Variants in JPH2 observed in about 807,000 individuals in gnomAD.
The protein encoded by JPH2 is junctophilin 2.
In JPH2, 38 loss-of-function variants were observed where a neutral mutation model predicts 55.9. The observed-to-expected ratio is 0.68, with a 90% CI of 0.52 to 0.89. JPH2 has a LOEUF of 0.89. Among genes scored for constraint, JPH2 ranks in the 40% least tolerant of loss-of-function variants. The pLI, the probability that JPH2 is intolerant of heterozygous loss-of-function variation, is 0.00. For missense variants in JPH2, 964 were observed against 1,037.6 expected (o/e 0.93, Z 0.97); for synonymous variants, 480 against 472.4 (o/e 1.02, Z -0.21).
chr20:44,126,797 C>G (rs191613340), intron 2 of JPH2, among the ~76,000 whole-genome samples: 5 of 152,312 alleles, frequency 3.3e-5, no homozygotes, highest in Non-Finnish European at 7.3e-5. Flanking sequence ...AGGCAGTGCC[C>G]TCCTGGGAAG....
chr20:44,157,416 T>A (rs1208157724), intron 2 of JPH2, among the ~76,000 whole-genome samples: 1 of 152,188 alleles, frequency 6.6e-6, no homozygotes, highest in Non-Finnish European at 1.5e-5. Context: ...GAGGCTTTGT[T>A]GAGACTGTAT....
In JPH2 at chr20:44,112,744, C is replaced by T. The variant is rs759771045; in HGVS notation, c.*774G>A. The T allele has an allele frequency of 6.6e-6, 1 of 152,204 alleles. No homozygotes were observed. Among genetic ancestry groups the T allele is most frequent in the Non-Finnish European group, 1.5e-5 (1 of 68,162 alleles). The allele number at this position is 152,204 out of a possible 1,614,324, so 9.4% of individuals were successfully genotyped here. A position where few individuals can be genotyped will look rare whatever the true frequency, so the allele number is the denominator to read the frequency against. On this transcript the variant is annotated 3_prime_UTR_variant, in exon 6 of 6. Coordinates refer to ENST00000372980, the MANE Select transcript of JPH2 (RefSeq NM_020433.5). Reference sequence around the variant, plus strand: ...ATGCAATCCCAGTCTCAGACACACTCCAAAACAGGCCATCATCACTGCACC... The same window carrying T: ...ATGCAATCCCAGTCTCAGACACACTTCAAAACAGGCCATCATCACTGCACC...
intron 2 of JPH2, among the ~76,000 whole-genome samples, chr20:44,148,937 A>G (rs367705266): frequency 5.0e-4 from 76 of 151,916 alleles, no homozygotes; most frequent in South Asian, 4.4e-3. Context: ...TGTGGTGGTG[A>G]GCGCCCATAG....
At position 44,129,916 on chromosome 20, in the gene JPH2, C is replaced by T. The variant is rs1453119493; in HGVS notation, c.1170-11293G>A. Among the ~76,000 whole-genome samples the T allele has an allele frequency of 2.0e-5, 3 of 152,000 alleles. No individual in the cohort carries two copies. The East Asian group carries it at 5.8e-4, about 29-fold the overall frequency. ...GCCATAAGCTCAGGAATGCAGAGGG[C>T]CAGCAGGGGTTGAAAAGACAAGCAC... On this transcript the variant is annotated intron_variant, in intron 2 of 5. Transcript: ENST00000372980.
chr20:44,129,754 T>C (rs1269429043), intron 2 of JPH2, among the ~76,000 whole-genome samples: 11 of 152,068 alleles, frequency 7.2e-5, no homozygotes. Context: ...AGATAGATCA[T>C]CCTGGATTAG....
In JPH2 at chr20:44,114,896, G is replaced by A; in HGVS notation, c.2011-20C>T. 6.3e-7 allele frequency: 1 copy of A among 1,580,716 alleles called. No homozygotes were observed. Among genetic ancestry groups the A allele is most frequent in the Non-Finnish European group, 8.6e-7 (1 of 1,161,216 alleles). ...GGGGACCTGGGAGCAGTGGAGAGAG[G>A]CTTCCTGAGTCCCCATGGCCTCGGA... is the stretch of plus-strand genomic sequence containing the variant. On this transcript the variant is annotated intron_variant, in intron 4 of 5. Transcript: ENST00000372980.
At position 44,110,703 on chromosome 20, in the gene JPH2, A is replaced by G. The variant is rs1380934718; in HGVS notation, c.*2815T>C. On this transcript the variant is annotated 3_prime_UTR_variant, in exon 6 of 6. Coordinates refer to ENST00000372980, the MANE Select transcript of JPH2 (RefSeq NM_020433.5). ...GCCTCAGCCTCCTCTAACGTGCTGG[A>G]ATTATAGGTGTGAGCCACCATGCCC... 1.3e-5 allele frequency among the ~76,000 whole-genome samples: 2 copies of G among 152,102 alleles called. No homozygotes were observed. The highest frequency in any genetic ancestry group is 4.8e-5 in the African/African-American group (2 of 41,400).
intron 1 of JPH2, among the ~76,000 whole-genome samples, chr20:44,183,191 C>T (rs1446126238): frequency 6.6e-6 from 1 of 152,228 alleles, no homozygotes; most frequent in African/African-American, 2.4e-5. Context: ...TGTATAAGCA[C>T]TCAAGGATTA....
At chr20:44,147,538 A>T (rs923042886) in intron 2 of JPH2, among the ~76,000 whole-genome samples, 1 of 152,260 alleles carries the variant, frequency 6.6e-6, no homozygotes. Context: ...AAAAACGAAC[A>T]AAACCAGAAT....
chr20:44,184,332 G>T (rs1470518483), intron 1 of JPH2, among the ~76,000 whole-genome samples: 1 of 152,050 alleles, frequency 6.6e-6, no homozygotes, highest in Non-Finnish European at 1.5e-5. Context: ...AAGCTGTGCA[G>T]AACTGACAGC....
rs1555858753 is a variant in JPH2, at chr20:44,160,070, C to T, written c.717G>A (p.Val239=). The T allele has an allele frequency of 1.3e-6, 2 of 1,537,570 alleles. No individual in the cohort carries two copies. The highest frequency in any genetic ancestry group is 1.7e-6 in the Non-Finnish European group (2 of 1,147,482). The change falls in exon 2 of 6, where the codon GTG becomes GTA. Residue 239 remains valine (V), a synonymous_variant. Transcript: ENST00000372980. This position sits in a 1 kb window ranked among gnomAD's most constrained non-coding sequence, Gnocchi z 4.9. ...AGCTGACACGGCTGCGCTGGCTACCCACGGACGTGCGCGACTCTGCGCGCC... is the reference window on the plus strand; with the variant it reads ...AGCTGACACGGCTGCGCTGGCTACCTACGGACGTGCGCGACTCTGCGCGCC... The part of the protein sequence containing the change: ...KLRRAESRTS[V]GSQRSRVSFL...
chr20:44,150,560 C>A (rs971922486), intron 2 of JPH2, among the ~76,000 whole-genome samples: 27 of 152,136 alleles, frequency 1.8e-4, no homozygotes, highest in Non-Finnish European at 8.8e-5. Flanking sequence ...GCAAGGAACT[C>A]AAAATATCCA....
At chr20:44,121,861 C>T (rs1989606) in intron 2 of JPH2, among the ~76,000 whole-genome samples, 30,536 of 151,722 alleles carry the variant, frequency 0.2, 3,799 homozygotes, top group East Asian at 0.36. Flanking sequence ...GGTGTGGTGG[C>T]GCACACCTGT....
chr20:44,132,351 G>C (rs910056), intron 2 of JPH2, among the ~76,000 whole-genome samples: 24,261 of 67,218 alleles, frequency 0.36, 2,564 homozygotes, highest in Admixed American at 0.49. Flanking sequence ...GAGGCAGACA[G>C]ACAGACACAC....
chr20:44,116,407 G>C, intron 3 of JPH2, 21 bp from the exon 4 acceptor site: 2 of 1,545,478 alleles, frequency 1.3e-6, no homozygotes, highest in Non-Finnish European at 1.7e-6. Flanking sequence ...AACACAGGGA[G>C]GCTGGGCTCG....
chr20:44,169,103 TG>T (rs1201208556), intron 1 of JPH2, among the ~76,000 whole-genome samples: 1 of 152,044 alleles, frequency 6.6e-6, no homozygotes, highest in African/African-American at 2.4e-5. Flanking sequence ...TGCTCCACCT[TG>T]AACTTTCCAG....
intron 1 of JPH2, among the ~76,000 whole-genome samples, chr20:44,162,813 C>CACACACACACACACACAT (rs1555859096): frequency 8.8e-6 from 1 of 113,562 alleles, no homozygotes; most frequent in African/African-American, 3.4e-5. Context: ...CACACACACA[C>CACACACACACACACACAT]ACACACACAC....
rs1421876755 is a variant in JPH2 at position 44,109,424 on chromosome 20, A to G, written c.*4094T>C. Among the ~76,000 whole-genome samples the G allele has an allele frequency of 6.6e-6, 1 of 152,236 alleles. No homozygotes were observed. Among genetic ancestry groups the G allele is most frequent in the Non-Finnish European group, 1.5e-5 (1 of 68,034 alleles). ...ACCCCCAGAAAAGTAAGAAAGTTCT[A>G]GATGTTAAGGGACAGAGCCAAGATT... On this transcript the variant is annotated 3_prime_UTR_variant, in exon 6 of 6. Transcript: ENST00000372980.
rs1438354338 is a variant in JPH2 at position 44,134,615 on chromosome 20, AATAAATATATATTTAT to A, written c.1170-16008_1170-15993del. Among the ~76,000 whole-genome samples the A allele has an allele frequency of 1.7e-3, 7 of 4,230 alleles. 2 individuals carry two copies. Among genetic ancestry groups the A allele is most frequent in the African/African-American group, 5.3e-3 (7 of 1,316 alleles). 2.8% of individuals were successfully genotyped at this position (4,230 alleles called of 152,430 possible). A position where few individuals can be genotyped will look rare whatever the true frequency, so the allele number is the denominator to read the frequency against. On this transcript the variant is annotated intron_variant, in intron 2 of 5. Transcript: ENST00000372980. ...ATAAATATATATTTATTATAAATAT[AATAAATATATATTTAT>A]TATAAATATATAAATATTTATTATA...
Sources: gnomAD v4.1 joint callset for allele counts (sites outside exome capture counted in the v4.1 genomes callset) on GRCh38, gnomAD v4.1.1 for gene constraint, Gnocchi (gnomAD v3.1) non-coding constraint, MANE v1.5 for transcripts, NCBI Gene and HGNC (gene_info 2026-07-23, HGNC 2026-07-21) for gene names.